The following EDC3 variants were observed in gnomAD, a reference collection of about 807,000 sequenced individuals.
EDC3 encodes the protein enhancer of mRNA decapping 3.
EDC3 carries 20 observed loss-of-function variants against 41.8 expected under a neutral mutation model. That is an observed-to-expected ratio of 0.48 (90% confidence interval 0.34 to 0.70). EDC3 has a LOEUF of 0.70. EDC3 is among the 30% of genes least tolerant of loss of function. The probability of loss-of-function intolerance (pLI) is 0.01; values close to 1 mark genes in which losing one functional copy is unlikely to be tolerated. For missense variants in EDC3, 444 were observed against 636.8 expected, an observed-to-expected ratio of 0.70 and a Z score of 3.26; for synonymous variants, 206 against 243.2, an observed-to-expected ratio of 0.85 and a Z score of 1.42.
chr15:74,666,440 C>T (rs779659543), intron 3 of EDC3, among the ~76,000 whole-genome samples: 4 of 152,120 alleles, frequency 2.6e-5, no homozygotes, highest in African/African-American at 4.8e-5. Context: ...CTGGAAGCCA[C>T]CAAGATGTCC....
intron 4 of EDC3, among the ~76,000 whole-genome samples, chr15:74,648,978 G>C (rs1452290299): frequency 6.6e-6 from 1 of 151,734 alleles, no homozygotes; most frequent in African/African-American, 2.4e-5. Context: ...GGCTGGTCTT[G>C]AATTCCTGGC....
At chr15:74,651,032 A>C (rs2062474552) in intron 4 of EDC3, among the ~76,000 whole-genome samples, 1 of 152,180 alleles carries the variant, frequency 6.6e-6, no homozygotes. Flanking sequence ...AAAAATTAAA[A>C]AAAGAATCTT....
At chr15:74,687,991 A>T (rs2062958192) in intron 1 of EDC3, among the ~76,000 whole-genome samples, 1 of 152,232 alleles carries the variant, frequency 6.6e-6, no homozygotes, top group African/African-American at 2.4e-5. Context: ...AGAATTTTTA[A>T]CACTTTGAAA....
At chr15:74,674,512 G>C (rs555032153) in intron 2 of EDC3, among the ~76,000 whole-genome samples, 125 of 152,078 alleles carry the variant, frequency 8.2e-4, no homozygotes, top group African/African-American at 2.9e-3. Context: ...GACAAAGTTA[G>C]AAAAAAAGAT....
Position 74,684,574 on chromosome 15 carries a change from A to G in EDC3, c.-18-9432T>C, listed in dbSNP as rs148698938. Among the ~76,000 whole-genome samples, 860 of 151,624 alleles carry G rather than the reference A, an allele frequency of 5.7e-3. 4 individuals carry two copies. Among genetic ancestry groups the G allele is most frequent in the Non-Finnish European group, 8.4e-3 (572 of 67,916 alleles). ...ATGTCCACTCTCACCACTTGTACTT[A>G]TATTCAACAACTGTAGGTCCTAGCC... On this transcript the variant is annotated intron_variant, in intron 1 of 6. Transcript: ENST00000315127.
intron 1 of EDC3, among the ~76,000 whole-genome samples, chr15:74,680,469 T>C (rs1210092525): frequency 6.6e-6 from 1 of 151,946 alleles, no homozygotes; most frequent in Non-Finnish European, 1.5e-5. Context: ...TTAAAAAGCC[T>C]CTCAGAAAAA....
In EDC3 at chr15:74,695,582, A is replaced by G. The variant is rs1454881433; in HGVS notation, c.-19+298T>C. ...GCACGAAGAACAGAGTGAGTGAGCC[A>G]AAGAACTGCAGCAGCCACCAACAAG... On this transcript the variant is annotated intron_variant, in intron 1 of 6. Transcript: ENST00000315127. 2.0e-5 allele frequency: 3 copies of G among 152,388 alleles called. No homozygotes were observed. In the East Asian group the frequency reaches 5.8e-4, roughly 29 times the overall value. 9.4% of individuals were successfully genotyped at this position (152,388 alleles called of 1,614,324 possible). A position where few individuals can be genotyped will look rare whatever the true frequency, so the allele number is the denominator to read the frequency against.
chr15:74,656,134 C>T (rs1052995494), intron 3 of EDC3, 66 bp from the exon 4 acceptor site: 8 of 1,427,056 alleles, frequency 5.6e-6, no homozygotes, highest in African/African-American at 1.4e-5. Context: ...GTGGAAAATA[C>T]ATTAGTCTTT....
At chr15:74,695,783 T>TA (rs912483955) in intron 1 of EDC3, 97 bp downstream of exon 1, 2 of 153,008 alleles carry the variant, frequency 1.3e-5, no homozygotes, top group African/African-American at 4.8e-5. Context: ...CCTGCCTCTA[T>TA]AAAGGTCTAC....
chr15:74,689,419 T>C (rs1363680913), intron 1 of EDC3, among the ~76,000 whole-genome samples: 1 of 152,232 alleles, frequency 6.6e-6, no homozygotes, highest in South Asian at 2.1e-4. Flanking sequence ...ATTCCTAAAA[T>C]TGTAATGACT....
Position 74,671,611 on chromosome 15 carries a change from A to C in EDC3, c.328T>G (p.Ser110Ala). 6.2e-7 allele frequency: 1 copy of C among 1,614,174 alleles called. No homozygotes were observed. Among genetic ancestry groups the C allele is most frequent in the Non-Finnish European group, 8.5e-7 (1 of 1,180,032 alleles). ...TGKFVKKPAS[S>A]SSAPQNIPKR... is the part of the protein sequence containing the mutation. Reference sequence around the variant, plus strand: ...GGGATATTCTGAGGGGCACTGCTGGAAGAGGCTGGCTTCTTGACAAACTTG... The same window carrying C: ...GGGATATTCTGAGGGGCACTGCTGGCAGAGGCTGGCTTCTTGACAAACTTG... Residue 110 changes from serine to alanine, a missense_variant, in exon 3 of 7, where the codon TCC (serine) becomes GCC (alanine). Transcript: ENST00000315127. This position sits in a 1 kb window ranked among gnomAD's most constrained non-coding sequence, Gnocchi z 4.6.
At chr15:74,677,807 G>A (rs188608742) in intron 1 of EDC3, among the ~76,000 whole-genome samples, 1 of 152,236 alleles carries the variant, frequency 6.6e-6, no homozygotes, top group Admixed American at 6.5e-5. Context: ...GTTTACAGCA[G>A]CTTTATTCAA....
intron 1 of EDC3, among the ~76,000 whole-genome samples, chr15:74,684,966 G>A (rs2141676714): frequency 6.6e-6 from 1 of 152,174 alleles, no homozygotes; most frequent in African/African-American, 2.4e-5. Context: ...CCGACATCTG[G>A]TAAAACATGA....
chr15:74,683,723 TA>T (rs560351461), intron 1 of EDC3, among the ~76,000 whole-genome samples: 117 of 150,032 alleles, frequency 7.8e-4, no homozygotes, highest in Admixed American at 1.5e-3. Context: ...GAAGTTTAAT[TA>T]AAAAAAAAAT....
chr15:74,662,242 C>G (rs143987925), intron 3 of EDC3, among the ~76,000 whole-genome samples: 3 of 152,254 alleles, frequency 2.0e-5, no homozygotes, highest in African/African-American at 7.2e-5. Context: ...TGACCTAGCA[C>G]TTATGCTACA....
At chr15:74,661,038 T>C (rs1204005852) in intron 3 of EDC3, among the ~76,000 whole-genome samples, 1 of 152,222 alleles carries the variant, frequency 6.6e-6, no homozygotes, top group Non-Finnish European at 1.5e-5. Context: ...TTCAGTGGCA[T>C]TAAGTGCATT....
intron 6 of EDC3, among the ~76,000 whole-genome samples, chr15:74,633,767 G>C (rs563060058): frequency 6.6e-6 from 1 of 152,298 alleles, no homozygotes; most frequent in South Asian, 2.1e-4. Flanking sequence ...CTGCCTGGAA[G>C]GGGGCATCAT....
chr15:74,634,447 G>A (rs960895693), intron 6 of EDC3, among the ~76,000 whole-genome samples: 5 of 152,072 alleles, frequency 3.3e-5, no homozygotes, highest in African/African-American at 1.2e-4. Context: ...TATTCCCTAT[G>A]GCTTGTAACT....
intron 3 of EDC3, among the ~76,000 whole-genome samples, chr15:74,660,433 A>ATATATATG (rs60853393): frequency 4.2e-5 from 2 of 47,158 alleles, no homozygotes; most frequent in African/African-American, 1.1e-4. Context: ...ATATATATAT[A>ATATATATG]TGTGTGTGTG....
Sources: allele counts gnomAD v4.1 joint callset (sites outside exome capture counted in the v4.1 genomes callset), GRCh38; gene constraint gnomAD v4.1.1; non-coding constraint Gnocchi (gnomAD v3.1); transcripts MANE v1.5; gene names NCBI Gene and HGNC (gene_info 2026-07-23, HGNC 2026-07-21).